RABGAP1L: variants seen among roughly 807,000 people sequenced by gnomAD.
The protein encoded by RABGAP1L is RAB GTPase activating protein 1 like.
RABGAP1L carries 63 observed loss-of-function variants against 137.7 expected under a neutral mutation model. The observed-to-expected ratio is 0.46, with a 90% CI of 0.37 to 0.56. The LOEUF is 0.56. RABGAP1L is among the 20% of genes least tolerant of loss of function. RABGAP1L has a pLI of 0.00. For missense variants in RABGAP1L, 1,095 were observed against 1,244.0 expected (o/e 0.88, Z 1.80); for synonymous variants, 431 against 433.7 (o/e 0.99, Z 0.08).
chr1:174,638,800 A>G (rs1258538373), intron 14 of RABGAP1L, among the ~76,000 whole-genome samples: 4 of 146,692 alleles, frequency 2.7e-5, no homozygotes, highest in Non-Finnish European at 4.5e-5. Context: ...AAAAGCAAAC[A>G]CCGCATATTC....
intron 17 of RABGAP1L, among the ~76,000 whole-genome samples, chr1:174,729,329 A>G (rs1026154336): frequency 2.6e-5 from 4 of 152,232 alleles, no homozygotes; most frequent in African/African-American, 7.2e-5. Context: ...AATTAACTCA[A>G]GAAGGATTAA....
intron 7 of RABGAP1L, among the ~76,000 whole-genome samples, chr1:174,268,810 T>G (rs993670509): frequency 6.6e-6 from 1 of 152,208 alleles, no homozygotes; most frequent in Non-Finnish European, 1.5e-5. Flanking sequence ...GAGTAAACAC[T>G]AAGTATTACT....
intron 3 of RABGAP1L, among the ~76,000 whole-genome samples, chr1:174,227,751 TTA>T (rs1015720594): frequency 1.3e-5 from 2 of 152,156 alleles, no homozygotes; most frequent in Non-Finnish European, 2.9e-5. Flanking sequence ...TCATAACACT[TTA>T]TGTACATTGT....
intron 19 of RABGAP1L, among the ~76,000 whole-genome samples, chr1:174,837,278 C>T (rs536369490): frequency 6.6e-6 from 1 of 151,904 alleles, no homozygotes; most frequent in African/African-American, 2.4e-5. Flanking sequence ...TTATTTTTAA[C>T]CACATCAATA....
intron 19 of RABGAP1L, among the ~76,000 whole-genome samples, chr1:174,822,469 T>C (rs1691133953): frequency 6.6e-6 from 1 of 152,158 alleles, no homozygotes; most frequent in Non-Finnish European, 1.5e-5. Flanking sequence ...AGGTCAGAGC[T>C]CCAGATGCTT....
At chr1:174,777,934 G>A (rs1310672569) in intron 18 of RABGAP1L, among the ~76,000 whole-genome samples, 3 of 152,158 alleles carry the variant, frequency 2.0e-5, no homozygotes, top group African/African-American at 7.2e-5. Flanking sequence ...ATGTGTAATT[G>A]GAGGACCTGA....
At chr1:174,849,582 A>G in intron 19 of RABGAP1L, 4 of 356,522 alleles carry the variant, frequency 1.1e-5, no homozygotes, top group South Asian at 8.8e-5. Context: ...TTAGCATTAA[A>G]CACATGGTAA....
chr1:174,614,665 C>T (rs1467216918), intron 13 of RABGAP1L, among the ~76,000 whole-genome samples: 1 of 152,204 alleles, frequency 6.6e-6, no homozygotes, highest in African/African-American at 2.4e-5. Flanking sequence ...TAACATCCTG[C>T]AGAGTGTTTT....
At chr1:174,711,110 C>T (rs916438650) in intron 17 of RABGAP1L, among the ~76,000 whole-genome samples, 1 of 152,152 alleles carries the variant, frequency 6.6e-6, no homozygotes, top group African/African-American at 2.4e-5. Context: ...CTGGGGCCGG[C>T]AGGGCCAGCT....
chr1:174,841,649 C>A (rs1693418425), intron 19 of RABGAP1L, among the ~76,000 whole-genome samples: 1 of 151,458 alleles, frequency 6.6e-6, no homozygotes, highest in African/African-American at 2.4e-5. Flanking sequence ...TTTATAAAAT[C>A]AAAAAGTAGA....
chr1:174,392,071 G>A (rs887549863), intron 12 of RABGAP1L, among the ~76,000 whole-genome samples: 4 of 152,060 alleles, frequency 2.6e-5, no homozygotes, highest in African/African-American at 7.2e-5. Context: ...TCCTCTACTT[G>A]ACATATTTTG....
chr1:174,969,918 T>TA, intron 21 of RABGAP1L, among the ~76,000 whole-genome samples: 1 of 152,268 alleles, frequency 6.6e-6, no homozygotes, highest in Non-Finnish European at 1.5e-5. Flanking sequence ...TCTATAGGTA[T>TA]AAAAAGGTGT....
intron 19 of RABGAP1L, among the ~76,000 whole-genome samples, chr1:174,866,110 GGAGA>G (rs34712612): frequency 0.086 from 5,637 of 65,674 alleles, 306 homozygotes; most frequent in South Asian, 0.12. Context: ...GGAGGGAGGG[GGAGA>G]GAGAGAGAGA....
chr1:174,623,342 C>G (rs1181737919), intron 13 of RABGAP1L, among the ~76,000 whole-genome samples: 1 of 152,136 alleles, frequency 6.6e-6, no homozygotes, highest in Non-Finnish European at 1.5e-5. Context: ...AGAACACAAT[C>G]CACACTGCCC....
chr1:174,688,294 C>G (rs1403007049), intron 15 of RABGAP1L, among the ~76,000 whole-genome samples: 3 of 151,828 alleles, frequency 2.0e-5, no homozygotes, highest in African/African-American at 7.3e-5. Context: ...TTTATTGTTA[C>G]AAGTTTTAAA....
At chr1:174,764,790 G>A (rs1258875919) in intron 18 of RABGAP1L, among the ~76,000 whole-genome samples, 2 of 152,152 alleles carry the variant, frequency 1.3e-5, no homozygotes, top group Admixed American at 6.5e-5. Context: ...CTTTCTTAGA[G>A]TAGCAAACTT....
At chr1:174,478,912 A>G (rs1221902720) in intron 13 of RABGAP1L, among the ~76,000 whole-genome samples, 1 of 152,100 alleles carries the variant, frequency 6.6e-6, no homozygotes, top group East Asian at 1.9e-4. Context: ...TTTCCAAAAG[A>G]TATTTGGAAT....
chr1:174,202,650 G>A (rs1668209110), intron 1 of RABGAP1L, among the ~76,000 whole-genome samples: 1 of 152,144 alleles, frequency 6.6e-6, no homozygotes, highest in Admixed American at 6.5e-5. Flanking sequence ...TAGCTCTTTA[G>A]TTTAATTAGA....
chr1:174,674,253 A>G (rs1182572017), intron 14 of RABGAP1L, among the ~76,000 whole-genome samples: 3 of 83,228 alleles, frequency 3.6e-5, no homozygotes, highest in East Asian at 8.1e-4. Context: ...CCCACCCCAC[A>G]ACAGTCCCCA....
Sources: allele counts gnomAD v4.1 joint callset (sites outside exome capture counted in the v4.1 genomes callset), GRCh38; gene constraint gnomAD v4.1.1; transcripts MANE v1.5; gene names NCBI Gene and HGNC (gene_info 2026-07-23, HGNC 2026-07-21).